Variants in WDFY4 observed in about 807,000 individuals in gnomAD.
WDFY4 encodes the protein WD repeat- and FYVE domain-containing protein 4.
In WDFY4, 169 loss-of-function variants were observed where a neutral mutation model predicts 351.9. The ratio of observed to expected loss-of-function variants is 0.48; its 90% CI spans 0.42 to 0.55. WDFY4 has a LOEUF of 0.55. Ranked by LOEUF, WDFY4 falls within the 20% of genes least tolerant of loss-of-function variation. WDFY4 has a pLI of 0.00. For synonymous variants in WDFY4, 1,622 were observed against 1,574.6 expected, an observed-to-expected ratio of 1.03 and a Z score of -0.71; for missense variants, 3,803 against 3,935.6, an observed-to-expected ratio of 0.97 and a Z score of 0.90.
At chr10:48,889,702 C>T (rs2070612311) in intron 43 of WDFY4, among the ~76,000 whole-genome samples, 1 of 152,188 alleles carries the variant, frequency 6.6e-6, no homozygotes, top group South Asian at 2.1e-4. Context: ...AACTCTGGGT[C>T]ATACCAAGAT....
intron 24 of WDFY4, 86 bp from the exon 25 acceptor site, chr10:48,803,200 T>G: frequency 7.7e-7 from 1 of 1,291,442 alleles, no homozygotes. Context: ...GAGGATCACC[T>G]GTCCAGCACT....
At chr10:48,798,023 G>T (rs570198861) in intron 24 of WDFY4, among the ~76,000 whole-genome samples, 1 of 152,238 alleles carries the variant, frequency 6.6e-6, no homozygotes, top group Admixed American at 6.5e-5. Flanking sequence ...GGGATAATGA[G>T]GACAGCAGGT....
At chr10:48,790,662 CG>C (rs1334368893) in intron 22 of WDFY4, 64 bp from the exon 23 acceptor site, 5 of 1,508,826 alleles carry the variant, frequency 3.3e-6, no homozygotes, top group Non-Finnish European at 3.6e-6. Context: ...CCTGTGCTGT[CG>C]GGGAATTTCC....
intron 47 of WDFY4, among the ~76,000 whole-genome samples, chr10:48,939,334 G>T (rs548193467): frequency 6.6e-6 from 1 of 152,214 alleles, no homozygotes; most frequent in African/African-American, 2.4e-5. Context: ...CAGACCCATG[G>T]TCTCACTGGC....
chr10:48,884,026 T>A (rs1303684207), intron 43 of WDFY4: 1 of 152,230 alleles, frequency 6.6e-6, no homozygotes, highest in East Asian at 1.9e-4. Context: ...TGGCTGGGGA[T>A]GTCCCTTGTA....
chr10:48,814,032 A>G lies in WDFY4; in HGVS notation c.5290A>G (p.Thr1764Ala). The change falls in exon 31 of 62, where the codon ACA becomes GCA. Residue 1764 changes from threonine (T) to alanine (A), a missense_variant. Transcript: ENST00000325239. ...AGAAGTCCTCCAGGCTGGGCTGTGCACAGAAGGTGCCTTGCTCCTCCTGGA... is the reference window on the plus strand; with the variant it reads ...AGAAGTCCTCCAGGCTGGGCTGTGCGCAGAAGGTGCCTTGCTCCTCCTGGA... The part of the protein sequence containing the change: ...QEEVLQAGLC[T>A]EGALLLLEML... The G allele has an allele frequency of 6.4e-7, 1 of 1,550,568 alleles. No homozygotes were observed. The highest frequency in any genetic ancestry group is 2.4e-5 in the East Asian group (1 of 40,868).
chr10:48,782,247 C>T (rs1293901565), intron 19 of WDFY4, among the ~76,000 whole-genome samples: 2 of 152,232 alleles, frequency 1.3e-5, no homozygotes, highest in East Asian at 3.8e-4. Flanking sequence ...GGCTCAATTA[C>T]TGAGTTCACT....
chr10:48,923,409 C>T (rs1839270841), intron 47 of WDFY4, among the ~76,000 whole-genome samples: 1 of 150,228 alleles, frequency 6.7e-6, no homozygotes, highest in Non-Finnish European at 1.5e-5. Flanking sequence ...ATGGCTTCTC[C>T]CCATGGTAGA....
At chr10:48,737,707 A>C (rs531805323) in intron 11 of WDFY4, among the ~76,000 whole-genome samples, 1 of 152,374 alleles carries the variant, frequency 6.6e-6, no homozygotes, top group African/African-American at 2.4e-5. Flanking sequence ...CAAAAAAAGG[A>C]AAGTTAAATA....
chr10:48,771,525 C>T (rs1359932139), intron 13 of WDFY4, among the ~76,000 whole-genome samples: 2 of 152,182 alleles, frequency 1.3e-5, no homozygotes, highest in Non-Finnish European at 2.9e-5. Flanking sequence ...CCTGCTGCAG[C>T]CTAAATACCC....
At chr10:48,977,519 C>G (rs1027942654) in intron 59 of WDFY4, among the ~76,000 whole-genome samples, 17 of 152,158 alleles carry the variant, frequency 1.1e-4, no homozygotes, top group Non-Finnish European at 2.4e-4. Context: ...GCTGAGGTAC[C>G]TAGGCAGTCC....
chr10:48,904,528 A>T (rs939799512), intron 47 of WDFY4, among the ~76,000 whole-genome samples: 1 of 152,182 alleles, frequency 6.6e-6, no homozygotes, highest in African/African-American at 2.4e-5. Flanking sequence ...GCTAGGCACA[A>T]GTAAGTCTGC....
intron 2 of WDFY4, among the ~76,000 whole-genome samples, chr10:48,711,286 A>G (rs1456895906): frequency 2.6e-5 from 4 of 152,236 alleles, no homozygotes; most frequent in Non-Finnish European, 5.9e-5. Flanking sequence ...TTGTAGTCCC[A>G]TTCATCTCAT....
rs1589465048 is a variant in WDFY4 at position 48,727,500 on chromosome 10, A to C, written c.812A>C (p.Asn271Thr). ...ATDCVRLSLQ[N>T]LSRLTDTLPA... Reference sequence around the variant, plus strand: ...GACTGTGTCAGGCTCTCCCTCCAGAACCTCTCCAGGCTCACGGACACTCTC... The same window carrying C: ...GACTGTGTCAGGCTCTCCCTCCAGACCCTCTCCAGGCTCACGGACACTCTC... Residue 271 changes from asparagine (N) to threonine (T), a missense_variant, in exon 7 of 62, where the codon AAC becomes ACC. Physicochemically the swap from Asn to Thr is moderately conservative, Grantham distance 65. This residue lies in a region of WDFY4 where 488 missense variants were observed against 456.8 expected (regional missense o/e 1.07). Coordinates refer to ENST00000325239, the MANE Select transcript of WDFY4 (RefSeq NM_001394531.1). 6.4e-7 allele frequency: 1 copy of C among 1,551,394 alleles called. No individual in the cohort carries two copies. The highest frequency in any genetic ancestry group is 1.2e-5 in the South Asian group (1 of 84,034).
At chr10:48,916,651 A>T (rs1838565605) in intron 47 of WDFY4, among the ~76,000 whole-genome samples, 1 of 152,190 alleles carries the variant, frequency 6.6e-6, no homozygotes, top group African/African-American at 2.4e-5. Context: ...TGCTCCTGGG[A>T]GCCACAGAGT....
intron 47 of WDFY4, among the ~76,000 whole-genome samples, chr10:48,911,122 T>A (rs1263146079): frequency 6.6e-6 from 1 of 152,222 alleles, no homozygotes; most frequent in East Asian, 1.9e-4. Context: ...CTTATGGATA[T>A]GTCCAAGACC....
At chr10:48,862,016 T>A (rs1044650138) in intron 39 of WDFY4, among the ~76,000 whole-genome samples, 1 of 152,230 alleles carries the variant, frequency 6.6e-6, no homozygotes, top group African/African-American at 2.4e-5. Context: ...TCTATTTATC[T>A]GATAAGGTGT....
intron 43 of WDFY4, among the ~76,000 whole-genome samples, chr10:48,884,543 TACACACATGCAC>T (rs71026227): frequency 0.13 from 19,030 of 151,984 alleles, 1,315 homozygotes; most frequent in Middle Eastern, 0.21. Context: ...CATGTGTGCA[TACACACATGCAC>T]ACACACATGC....
intron 31 of WDFY4, among the ~76,000 whole-genome samples, chr10:48,815,571 A>G (rs925726334): frequency 5.3e-5 from 8 of 151,828 alleles, no homozygotes; most frequent in African/African-American, 1.9e-4. Flanking sequence ...TGATTCTCCC[A>G]CCTCAGCCAC....
Sources: gnomAD v4.1 joint callset for allele counts (sites outside exome capture counted in the v4.1 genomes callset) on GRCh38, gnomAD v4.1.1 for gene constraint, gnomAD v4.1.1 regional missense constraint, MANE v1.5 for transcripts, NCBI Gene and HGNC (gene_info 2026-07-23, HGNC 2026-07-21) for gene names.